PRKG1: variants seen among roughly 807,000 people sequenced by gnomAD.
PRKG1 encodes the protein protein kinase cGMP-dependent 1, also known as cGMP-dependent protein kinase 1.
A neutral mutation model predicts 88.1 loss-of-function variants in PRKG1; 35 were observed. That is an observed-to-expected ratio of 0.40 (90% CI 0.30 to 0.53). PRKG1 has a LOEUF of 0.53. Among genes scored for constraint, PRKG1 ranks in the 20% least tolerant of loss-of-function variants. The probability of loss-of-function intolerance (pLI) is 0.59; values close to 1 mark genes in which losing one functional copy is unlikely to be tolerated. For synonymous variants in PRKG1, 303 were observed against 292.5 expected (o/e 1.04, Z -0.37); for missense variants, 540 against 839.8 (o/e 0.64, Z 4.41).
chr10:51,833,482 CA>C (rs1393253098), intron 4 of PRKG1, among the ~76,000 whole-genome samples: 1 of 152,112 alleles, frequency 6.6e-6, no homozygotes, highest in Non-Finnish European at 1.5e-5. Context: ...TGAGGCTCAG[CA>C]AAATTAAATC....
chr10:51,639,480 A>T lies in PRKG1; in HGVS notation c.593-165105A>T, dbSNP rs1459903276. ...AAAAAAAAAAAAAAAAAAAAAAAAG[A>T]CATGAGATTAAAAAAAAGACTGGAG... On this transcript the variant is annotated intron_variant, in intron 3 of 17. Coordinates refer to ENST00000373980, the MANE Select transcript of PRKG1 (RefSeq NM_006258.4). Among the ~76,000 whole-genome samples the T allele has an allele frequency of 3.1e-5, 4 of 127,678 alleles. No individual in the cohort carries two copies. In the East Asian group the frequency reaches 8.6e-4, roughly 27 times the overall value. 83.8% of individuals were successfully genotyped at this position (127,678 alleles called of 152,430 possible). A position where few individuals can be genotyped will look rare whatever the true frequency, so the allele number is the denominator to read the frequency against.
intron 5 of PRKG1, among the ~76,000 whole-genome samples, chr10:51,927,365 G>T (rs993565936): frequency 6.6e-6 from 1 of 152,120 alleles, no homozygotes; most frequent in Non-Finnish European, 1.5e-5. Context: ...TGACTGTGAG[G>T]CCTCTCCAGC....
intron 3 of PRKG1, among the ~76,000 whole-genome samples, chr10:51,556,584 G>A: frequency 6.6e-6 from 1 of 151,980 alleles, no homozygotes; most frequent in East Asian, 1.9e-4. Flanking sequence ...TATGGATGCA[G>A]CTGGAGGCCA....
rs60587885 is a variant in PRKG1 at position 51,908,733 on chromosome 10, A to ATATATATATATATAT, written c.762+1163_762+1164insTATATATATATATAT. On this transcript the variant is annotated intron_variant, in intron 5 of 17. Coordinates refer to ENST00000373980, the MANE Select transcript of PRKG1 (RefSeq NM_006258.4). ...TCTCTCTGTCTATCTATCTATATGTAATTTTTTTTTTTTTGAGACAGTGTC... is the reference window on the plus strand; with the variant it reads ...TCTCTCTGTCTATCTATCTATATGTATATATATATATATATATTTTTTTTTTTTTGAGACAGTGTC... 26 of 131,684 alleles carry ATATATATATATATAT rather than the reference A, an allele frequency of 2.0e-4. 1 individual carries two copies. The highest frequency in any genetic ancestry group is 1.6e-3 in the South Asian group (6 of 3,714). 8.2% of individuals were successfully genotyped at this position (131,684 alleles called of 1,614,324 possible). A position where few individuals can be genotyped will look rare whatever the true frequency, so the allele number is the denominator to read the frequency against.
chr10:51,549,106 C>CTTTCT (rs1249095474), intron 3 of PRKG1, among the ~76,000 whole-genome samples: 6 of 100,510 alleles, frequency 6.0e-5, no homozygotes, highest in African/African-American at 1.7e-4. Flanking sequence ...TCTTTCCTTT[C>CTTTCT]TTTCTTTTCT....
Position 52,073,332 on chromosome 10 carries a change from T to C in PRKG1, c.935+10701T>C, listed in dbSNP as rs144330988. Reference sequence around the variant, plus strand: ...AGGGCTAGGGCTTCGACATATCTTTTGGGAGGGCACAAATCAACTCACTAC... The same window carrying C: ...AGGGCTAGGGCTTCGACATATCTTTCGGGAGGGCACAAATCAACTCACTAC... On this transcript the variant is annotated intron_variant, in intron 7 of 17. Coordinates refer to ENST00000373980, the MANE Select transcript of PRKG1 (RefSeq NM_006258.4). Among the ~76,000 whole-genome samples the C allele has an allele frequency of 9.3e-3, 1,412 of 152,290 alleles. 25 individuals carry two copies. The highest frequency in any genetic ancestry group is 0.032 in the African/African-American group (1,312 of 41,564).
intron 7 of PRKG1, among the ~76,000 whole-genome samples, chr10:52,114,593 A>T (rs1847644572): frequency 6.7e-6 from 1 of 149,998 alleles, no homozygotes; most frequent in Admixed American, 6.6e-5. Flanking sequence ...TAAGCAGCAA[A>T]TACCTAGCAC....
chr10:51,098,477 G>A lies in PRKG1; in HGVS notation c.311+23576G>A, dbSNP rs76913936. ...GTGGAGCAAGGTGGACTGCAATGGAGCAAAGTGAATTGGTAGAGATATTCC... is the reference window on the plus strand; with the variant it reads ...GTGGAGCAAGGTGGACTGCAATGGAACAAAGTGAATTGGTAGAGATATTCC... On this transcript the variant is annotated intron_variant, in intron 1 of 17. Transcript: ENST00000373980. Among the ~76,000 whole-genome samples, 313 of 152,300 alleles carry A rather than the reference G, an allele frequency of 2.1e-3. 12 individuals carry two copies. The East Asian group carries it at 0.055, about 27-fold the overall frequency.
chr10:51,084,761 C>T (rs993627553), intron 1 of PRKG1, among the ~76,000 whole-genome samples: 1 of 152,258 alleles, frequency 6.6e-6, no homozygotes, highest in African/African-American at 2.4e-5. Flanking sequence ...TAACATTGTA[C>T]TTCTTTGAAC....
rs977616115 is a variant in PRKG1, at chr10:52,277,705, T to C, written c.1404-3084T>C. 4.6e-5 allele frequency among the ~76,000 whole-genome samples: 7 copies of C among 152,310 alleles called. No homozygotes were observed. The East Asian group carries it at 1.2e-3, about 25-fold the overall frequency. ...TATTCTAACATATAGCCTCCTCCCA[T>C]GAATTTGAGTTTGTATTAGCATTTT... is the stretch of plus-strand genomic sequence containing the variant. On this transcript the variant is annotated intron_variant, in intron 12 of 17. Coordinates refer to ENST00000373980, the MANE Select transcript of PRKG1 (RefSeq NM_006258.4).
rs571048385 is a variant in PRKG1 at position 51,740,519 on chromosome 10, A to T, written c.593-64066A>T. Among the ~76,000 whole-genome samples the T allele has an allele frequency of 1.9e-4, 29 of 152,278 alleles. No homozygotes were observed. In the South Asian group the frequency reaches 6.0e-3, roughly 32 times the overall value. On this transcript the variant is annotated intron_variant, in intron 3 of 17. Coordinates refer to ENST00000373980, the MANE Select transcript of PRKG1 (RefSeq NM_006258.4). The stretch of plus-strand genomic sequence containing the variant: ...ATTTTATGCTTTGCAAATCACTTTA[A>T]TATCTGGATTGATAGAAGACAGCTG...
At chr10:51,297,983 A>G (rs1307724696) in intron 2 of PRKG1, among the ~76,000 whole-genome samples, 2 of 152,224 alleles carry the variant, frequency 1.3e-5, no homozygotes, top group African/African-American at 2.4e-5. Flanking sequence ...TTATATAAAG[A>G]GATGTATGTA....
chr10:52,086,833 C>T (rs910397780), intron 7 of PRKG1, among the ~76,000 whole-genome samples: 2 of 152,250 alleles, frequency 1.3e-5, no homozygotes, highest in East Asian at 1.9e-4. Flanking sequence ...TTAATTGACT[C>T]GCAGTTCCGC....
intron 1 of PRKG1, among the ~76,000 whole-genome samples, chr10:51,109,179 C>A (rs1258989005): frequency 2.6e-5 from 4 of 151,902 alleles, no homozygotes; most frequent in African/African-American, 9.7e-5. Flanking sequence ...AGTTTTAGGG[C>A]AATCCCAATA....
Position 51,926,871 on chromosome 10 carries a change from G to A in PRKG1, c.762+19301G>A, listed in dbSNP as rs555912597. 2.2e-3 allele frequency among the ~76,000 whole-genome samples: 57 copies of A among 26,304 alleles called. 1 individual carries two copies. Among genetic ancestry groups the A allele is most frequent in the Middle Eastern group, 0.017 (1 of 58 alleles). 17.3% of individuals were successfully genotyped at this position (26,304 alleles called of 152,430 possible). The stretch of plus-strand genomic sequence containing the variant: ...CTGCCATACCTTTTAGTGTTAAGAC[G>A]ATATGTAGTTCTACCTGGTAATTGT... On this transcript the variant is annotated intron_variant, in intron 5 of 17. Coordinates refer to ENST00000373980, the MANE Select transcript of PRKG1 (RefSeq NM_006258.4).
Position 52,216,387 on chromosome 10 carries a change from G to A in PRKG1, c.1077-35183G>A, listed in dbSNP as rs182285803. Reference sequence around the variant, plus strand: ...AGCAGATAGCTACCGGAATGCCAGGGAAATAATTGCACATGGATTTTGCAA... The same window carrying A: ...AGCAGATAGCTACCGGAATGCCAGGAAAATAATTGCACATGGATTTTGCAA... On this transcript the variant is annotated intron_variant, in intron 9 of 17. Coordinates refer to ENST00000373980, the MANE Select transcript of PRKG1 (RefSeq NM_006258.4). 3.9e-5 allele frequency among the ~76,000 whole-genome samples: 6 copies of A among 152,288 alleles called. No homozygotes were observed. The East Asian group carries it at 1.2e-3, about 29-fold the overall frequency.
chr10:52,234,192 G>A (rs1178153319), intron 9 of PRKG1, among the ~76,000 whole-genome samples: 4 of 152,064 alleles, frequency 2.6e-5, no homozygotes, highest in Non-Finnish European at 4.4e-5. Context: ...ACCAAAAGTA[G>A]ATAAAACCAC....
chr10:51,951,162 C>T (rs879630875), intron 5 of PRKG1, among the ~76,000 whole-genome samples: 3 of 152,320 alleles, frequency 2.0e-5, no homozygotes, highest in Non-Finnish European at 2.9e-5. Context: ...GGTTTTTCAG[C>T]CTTCAGGCTG....
At chr10:51,820,142 G>A (rs570523096) in intron 4 of PRKG1, among the ~76,000 whole-genome samples, 1 of 152,176 alleles carries the variant, frequency 6.6e-6, no homozygotes, top group African/African-American at 2.4e-5. Flanking sequence ...AGCTATTTAA[G>A]GATTTTACTA....
Sources: gnomAD v4.1 joint callset for allele counts (sites outside exome capture counted in the v4.1 genomes callset) on GRCh38, gnomAD v4.1.1 for gene constraint, MANE v1.5 for transcripts, NCBI Gene and HGNC (gene_info 2026-07-23, HGNC 2026-07-21) for gene names.